Variants in ZDHHC14 observed in about 807,000 individuals in gnomAD.
ZDHHC14 encodes the protein zDHHC palmitoyltransferase 14.
Under a neutral mutation model 47.7 loss-of-function variants are expected in ZDHHC14, and 16 were observed. The ratio of observed to expected loss-of-function variants is 0.34; its 90% CI spans 0.23 to 0.51. The LOEUF (loss-of-function observed/expected upper bound fraction) is 0.51. ZDHHC14 is among the 20% of genes least tolerant of loss of function. The pLI is 0.97. For synonymous variants in ZDHHC14, 293 were observed against 278.9 expected, an observed-to-expected ratio of 1.05 and a Z score of -0.50; for missense variants, 515 against 662.5, an observed-to-expected ratio of 0.78 and a Z score of 2.44.
chr6:157,610,198 A>G (rs1784699195), intron 3 of ZDHHC14, among the ~76,000 whole-genome samples: 1 of 152,228 alleles, frequency 6.6e-6, no homozygotes, highest in Non-Finnish European at 1.5e-5. Flanking sequence ...TAATCCCAGC[A>G]CTTTGGGAGG....
In ZDHHC14 at chr6:157,614,088, C is replaced by A. The variant is rs189077801; in HGVS notation, c.566-14261C>A. On this transcript the variant is annotated intron_variant, in intron 3 of 8. Coordinates refer to ENST00000359775, the MANE Select transcript of ZDHHC14 (RefSeq NM_024630.3). ...AATGGCAGCTCTTGGCAAGCCCCCCCACCGCTGGCTGGTGCACCTGGGTGA... is the reference window on the plus strand; with the variant it reads ...AATGGCAGCTCTTGGCAAGCCCCCCAACCGCTGGCTGGTGCACCTGGGTGA... 5.1e-3 allele frequency among the ~76,000 whole-genome samples: 778 copies of A among 152,290 alleles called. 3 individuals are homozygous for A. The highest frequency in any genetic ancestry group is 7.3e-3 in the Non-Finnish European group (495 of 68,018).
chr6:157,598,079 T>G (rs1784202868), intron 3 of ZDHHC14, among the ~76,000 whole-genome samples: 1 of 152,248 alleles, frequency 6.6e-6, no homozygotes, highest in East Asian at 1.9e-4. Context: ...CTCTCACTGC[T>G]TCCTCTGTGT....
At chr6:157,392,272 T>C (rs1026671649) in intron 1 of ZDHHC14, among the ~76,000 whole-genome samples, 2 of 152,210 alleles carry the variant, frequency 1.3e-5, no homozygotes, top group African/African-American at 4.8e-5. Context: ...GAAACATATA[T>C]CCTTATGATG....
intron 1 of ZDHHC14, among the ~76,000 whole-genome samples, chr6:157,510,565 T>C (rs1230905515): frequency 6.6e-6 from 1 of 152,224 alleles, no homozygotes; most frequent in Non-Finnish European, 1.5e-5. Flanking sequence ...TTTTCTCAAC[T>C]TCTTTGCTGC....
chr6:157,592,547 C>CAGGT (rs1471055981), intron 2 of ZDHHC14, among the ~76,000 whole-genome samples: 1 of 152,148 alleles, frequency 6.6e-6, no homozygotes, highest in Non-Finnish European at 1.5e-5. Context: ...CTAGCCTTTC[C>CAGGT]AGGTTTAAGG....
intron 1 of ZDHHC14, among the ~76,000 whole-genome samples, chr6:157,489,597 A>G (rs1389802733): frequency 1.3e-5 from 2 of 151,950 alleles, no homozygotes; most frequent in African/African-American, 4.8e-5. Context: ...TCATAGGGAG[A>G]GGCTGAATTA....
chr6:157,516,713 G>A (rs1019710753), intron 1 of ZDHHC14, among the ~76,000 whole-genome samples: 1 of 152,194 alleles, frequency 6.6e-6, no homozygotes. Flanking sequence ...GGTCAAGTCT[G>A]CGCTGCAATA....
chr6:157,592,786 C>T (rs1214410903), intron 2 of ZDHHC14: 1 of 1,392,132 alleles, frequency 7.2e-7, no homozygotes, highest in Admixed American at 3.4e-5. Flanking sequence ...AGTCACGTGG[C>T]CCCTGCACGT....
intron 1 of ZDHHC14, among the ~76,000 whole-genome samples, chr6:157,489,676 A>T (rs1370777020): frequency 6.6e-6 from 1 of 152,158 alleles, no homozygotes; most frequent in East Asian, 1.9e-4. Context: ...AGATCTGCAG[A>T]TGTCTGAGAT....
At chr6:157,408,238 A>G (rs1260939650) in intron 1 of ZDHHC14, among the ~76,000 whole-genome samples, 1 of 152,222 alleles carries the variant, frequency 6.6e-6, no homozygotes, top group East Asian at 1.9e-4. Context: ...TGGGCAGTAC[A>G]GGCTGGCCTG....
At chr6:157,518,949 C>T (rs1472141847) in intron 1 of ZDHHC14, among the ~76,000 whole-genome samples, 4 of 152,222 alleles carry the variant, frequency 2.6e-5, no homozygotes, top group South Asian at 2.1e-4. Context: ...GAAAAGGGAG[C>T]TGTTCATGGT....
rs965689133 is a variant in ZDHHC14 at position 157,437,372 on chromosome 6, G to A, written c.245+55106G>A. Among the ~76,000 whole-genome samples, 7 of 152,204 alleles carry A rather than the reference G, an allele frequency of 4.6e-5. No homozygotes were observed. The East Asian group carries it at 9.6e-4, about 21-fold the overall frequency. On this transcript the variant is annotated intron_variant, in intron 1 of 8. Transcript: ENST00000359775. ...CCTAGATTCTCTTTATAGTAGTGTC[G>A]TGAAGATGAATGGCGGTGCTGAGCT...
rs141084540 is a variant in ZDHHC14, at chr6:157,580,137, C to T, written c.407-12851C>T. Among the ~76,000 whole-genome samples, 921 of 152,206 alleles carry T rather than the reference C, an allele frequency of 6.1e-3. 12 individuals carry two copies. Among genetic ancestry groups the T allele is most frequent in the African/African-American group, 0.021 (876 of 41,536 alleles). On this transcript the variant is annotated intron_variant, in intron 2 of 8. Coordinates refer to ENST00000359775, the MANE Select transcript of ZDHHC14 (RefSeq NM_024630.3). ...ATTCACATCTCTTTTATTTCTGCAC[C>T]TATTGAGATAATTATGTGGTTTTGG...
intron 1 of ZDHHC14, among the ~76,000 whole-genome samples, chr6:157,471,186 A>G (rs1223216073): frequency 6.6e-6 from 1 of 152,154 alleles, no homozygotes; most frequent in Non-Finnish European, 1.5e-5. Flanking sequence ...CACCCCCAGG[A>G]CTTTGATTTG....
intron 1 of ZDHHC14, among the ~76,000 whole-genome samples, chr6:157,508,781 G>A (rs1237151118): frequency 6.6e-6 from 1 of 152,060 alleles, no homozygotes; most frequent in Non-Finnish European, 1.5e-5. Flanking sequence ...ATCTTCTAAT[G>A]TTTCAATGAA....
At chr6:157,649,539 C>T (rs562886166) in intron 7 of ZDHHC14, among the ~76,000 whole-genome samples, 6 of 152,340 alleles carry the variant, frequency 3.9e-5, no homozygotes, top group African/African-American at 1.2e-4. Flanking sequence ...CAGGGCCTTC[C>T]CGGGCATCCC....
At chr6:157,621,686 G>A (rs902416671) in intron 3 of ZDHHC14, among the ~76,000 whole-genome samples, 3 of 152,152 alleles carry the variant, frequency 2.0e-5, no homozygotes, top group Admixed American at 6.5e-5. Flanking sequence ...GTTAGAACCC[G>A]ACTTCTGGGA....
intron 5 of ZDHHC14, among the ~76,000 whole-genome samples, chr6:157,645,353 C>T (rs1173546784): frequency 6.6e-6 from 1 of 152,158 alleles, no homozygotes; most frequent in Non-Finnish European, 1.5e-5. Context: ...CACCCAGAGC[C>T]TGAGCTGCAG....
chr6:157,563,330 T>A (rs1191797625), intron 2 of ZDHHC14, among the ~76,000 whole-genome samples: 2 of 152,166 alleles, frequency 1.3e-5, no homozygotes, highest in Non-Finnish European at 2.9e-5. Context: ...CTTCCCCAGC[T>A]CCAAGCCAGA....
Sources: allele counts gnomAD v4.1 joint callset (sites outside exome capture counted in the v4.1 genomes callset), GRCh38; gene constraint gnomAD v4.1.1; transcripts MANE v1.5; gene names NCBI Gene and HGNC (gene_info 2026-07-23, HGNC 2026-07-21).